Variants in SFMBT1 observed in about 807,000 individuals in gnomAD.
The protein encoded by SFMBT1 is scm-like with four MBT domains protein 1.
A neutral mutation model predicts 108.7 loss-of-function variants in SFMBT1; 32 were observed. That is an observed-to-expected ratio of 0.29 (90% confidence interval 0.22 to 0.40). The LOEUF is 0.40. Among genes scored for constraint, SFMBT1 ranks in the 10% least tolerant of loss-of-function variants. The probability of loss-of-function intolerance (pLI) is 1.00; values close to 1 mark genes in which losing one functional copy is unlikely to be tolerated. For missense variants in SFMBT1, 816 were observed against 1,059.6 expected, an observed-to-expected ratio of 0.77 and a Z score of 3.19; for synonymous variants, 348 against 369.5, an observed-to-expected ratio of 0.94 and a Z score of 0.67.
rs138710840 is a variant in SFMBT1 at position 52,943,994 on chromosome 3, T to G, written c.124-401A>C. Among the ~76,000 whole-genome samples, 10 of 152,308 alleles carry G rather than the reference T, an allele frequency of 6.6e-5. No homozygotes were observed. The East Asian group carries it at 1.9e-3, about 29-fold the overall frequency. On this transcript the variant is annotated intron_variant, in intron 3 of 20. Transcript: ENST00000394752. ...AAAATAAACCATAATGATAATAAAT[T>G]AGTACAATATGTACCATATACAGGG...
Position 52,969,923 on chromosome 3 carries a change from C to A in SFMBT1, c.-130-665G>T, listed in dbSNP as rs189478717. On this transcript the variant is annotated intron_variant, in intron 1 of 20. Coordinates refer to ENST00000394752, the MANE Select transcript of SFMBT1 (RefSeq NM_016329.4). ...TTTGGGACCAGCCTGGGCAACATGG[C>A]AAAACCTCACCTGTACTAAAAATAC... Among the ~76,000 whole-genome samples the A allele has an allele frequency of 6.5e-3, 994 of 152,084 alleles. 94 individuals are homozygous for A. In the South Asian group the frequency reaches 0.18, roughly 28 times the overall value.
chr3:52,945,139 A>AAAAAACAAAAAAAAAAACAAC (rs1553636680), intron 3 of SFMBT1, among the ~76,000 whole-genome samples: 3 of 146,062 alleles, frequency 2.1e-5, no homozygotes, highest in Non-Finnish European at 3.0e-5. Flanking sequence ...TTCCAATTAA[A>AAAAAACAAAAAAAAAAACAAC]AAAAAAAAAA....
chr3:52,929,724 C>G (rs1180156061), intron 8 of SFMBT1, among the ~76,000 whole-genome samples: 2 of 152,240 alleles, frequency 1.3e-5, no homozygotes, highest in Non-Finnish European at 2.9e-5. Flanking sequence ...AACTATTCCT[C>G]TAGTCACATT....
intron 1 of SFMBT1, among the ~76,000 whole-genome samples, chr3:53,017,474 C>G (rs1338015797): frequency 6.6e-6 from 1 of 152,192 alleles, no homozygotes; most frequent in African/African-American, 2.4e-5. Context: ...AACAAAATCC[C>G]TACCCTCTTG....
rs192494555 is a variant in SFMBT1 at position 52,918,988 on chromosome 3, G to A, written c.1373-462C>T. On this transcript the variant is annotated intron_variant, in intron 12 of 20. Transcript: ENST00000394752. ...AGATCGTGCAACCTAGATCCCTCAC[G>A]AGACAGTTCACAATAAGATTCTTGC... is the stretch of plus-strand genomic sequence containing the variant. 3.3e-3 allele frequency among the ~76,000 whole-genome samples: 509 copies of A among 152,048 alleles called. 1 individual carries two copies. Among genetic ancestry groups the A allele is most frequent in the Non-Finnish European group, 3.1e-3 (209 of 67,994 alleles).
intron 1 of SFMBT1, among the ~76,000 whole-genome samples, chr3:53,010,658 A>T (rs1698911128): frequency 6.7e-6 from 1 of 148,594 alleles, no homozygotes; most frequent in South Asian, 2.1e-4. Flanking sequence ...TTCTGTAATG[A>T]TGTTATTTAT....
At chr3:53,029,163 C>A (rs1699597263) in intron 1 of SFMBT1, among the ~76,000 whole-genome samples, 1 of 133,582 alleles carries the variant, frequency 7.5e-6, no homozygotes, top group Non-Finnish European at 1.5e-5. Context: ...CAGAGCGAGA[C>A]TCCGTCTCAA....
chr3:52,991,915 T>A (rs1705147096), intron 1 of SFMBT1, among the ~76,000 whole-genome samples: 1 of 152,226 alleles, frequency 6.6e-6, no homozygotes, highest in South Asian at 2.1e-4. Context: ...TTACTGAGTC[T>A]CAGGTGTTCT....
At chr3:53,005,826 CA>C (rs1260987229) in intron 1 of SFMBT1, among the ~76,000 whole-genome samples, 1 of 152,166 alleles carries the variant, frequency 6.6e-6, no homozygotes, top group African/African-American at 2.4e-5. Flanking sequence ...TGCACAGAAA[CA>C]CCTCAGCCAA....
In SFMBT1 at chr3:52,912,326, G is replaced by A. The variant is rs141460220; in HGVS notation, c.1730+212C>T. Among the ~76,000 whole-genome samples, 501 of 152,078 alleles carry A rather than the reference G, an allele frequency of 3.3e-3. 5 individuals are homozygous for A. The highest frequency in any genetic ancestry group is 0.011 in the African/African-American group (454 of 41,498). On this transcript the variant is annotated intron_variant, in intron 16 of 20. Transcript: ENST00000394752. ...CTCCCAAGTAGCTGGGATTACAGGC[G>A]TGTGCACCGTGTCTGGCTAATTTTT...
chr3:52,981,952 A>G (rs1311473401), intron 1 of SFMBT1, among the ~76,000 whole-genome samples: 2 of 152,106 alleles, frequency 1.3e-5, no homozygotes, highest in African/African-American at 2.4e-5. Flanking sequence ...GGTTCCATCA[A>G]TGATTTGTCC....
chr3:52,942,704 G>A (rs969244562), intron 4 of SFMBT1, among the ~76,000 whole-genome samples: 89 of 152,232 alleles, frequency 5.8e-4, no homozygotes, highest in African/African-American at 1.9e-3. Flanking sequence ...TAGTAGAGAC[G>A]GGGTTTTGCC....
chr3:53,024,097 G>A (rs1699404047), intron 1 of SFMBT1, among the ~76,000 whole-genome samples: 1 of 152,162 alleles, frequency 6.6e-6, no homozygotes, highest in African/African-American at 2.4e-5. Context: ...AAAACACATA[G>A]TGTGTAACAC....
At chr3:52,984,803 G>A (rs542409551) in intron 1 of SFMBT1, among the ~76,000 whole-genome samples, 2 of 149,122 alleles carry the variant, frequency 1.3e-5, no homozygotes, top group African/African-American at 5.0e-5. Flanking sequence ...ACTATAATGA[G>A]TTTGGAAATA....
chr3:52,954,833 A>T (rs1703728027), intron 2 of SFMBT1, among the ~76,000 whole-genome samples: 1 of 145,394 alleles, frequency 6.9e-6, no homozygotes, highest in South Asian at 2.2e-4. Context: ...AGTGAAAGAT[A>T]CTCCTAGTAA....
At position 52,920,600 on chromosome 3, in the gene SFMBT1, T is replaced by C; in HGVS notation, c.1309A>G (p.Ile437Val). The C allele has an allele frequency of 6.2e-7, 1 of 1,614,120 alleles. No homozygotes were observed. Among genetic ancestry groups the C allele is most frequent in the Non-Finnish European group, 8.5e-7 (1 of 1,180,026 alleles). Residue 437 changes from isoleucine to valine, a missense_variant, in exon 12 of 21, where the codon ATA becomes GTA. Transcript: ENST00000394752. Reference protein sequence around the residue: ...ECIVSVESMDIFPLGWCETNG... With the variant: ...ECIVSVESMDVFPLGWCETNG... Reference sequence around the variant, plus strand: ...GTTTCACACCAGCCCAAAGGAAATATATCCATGGATTCCACACTCACAATA... The same window carrying C: ...GTTTCACACCAGCCCAAAGGAAATACATCCATGGATTCCACACTCACAATA...
chr3:53,018,769 C>G (rs1385328315), intron 1 of SFMBT1, among the ~76,000 whole-genome samples: 2 of 152,182 alleles, frequency 1.3e-5, no homozygotes, highest in Non-Finnish European at 1.5e-5. Flanking sequence ...ACCAGATCCC[C>G]TCCATTCTAC....
intron 1 of SFMBT1, among the ~76,000 whole-genome samples, chr3:53,032,146 G>C (rs545813220): frequency 6.6e-6 from 1 of 152,180 alleles, no homozygotes; most frequent in African/African-American, 2.4e-5. Context: ...AAGGCGAGTG[G>C]AATGTTTGAG....
At chr3:53,021,924 C>G (rs927624571) in intron 1 of SFMBT1, among the ~76,000 whole-genome samples, 7 of 152,192 alleles carry the variant, frequency 4.6e-5, no homozygotes, top group Non-Finnish European at 8.8e-5. Context: ...TAAAGCAGCA[C>G]TTCAAATTCA....
Sources: gnomAD v4.1 joint callset for allele counts (sites outside exome capture counted in the v4.1 genomes callset) on GRCh38, gnomAD v4.1.1 for gene constraint, MANE v1.5 for transcripts, NCBI Gene and HGNC (gene_info 2026-07-23, HGNC 2026-07-21) for gene names.